The following PSMA8 variants were observed in gnomAD, a reference collection of about 807,000 sequenced individuals.
PSMA8 encodes the protein proteasome 20S subunit alpha 8.
A neutral mutation model predicts 32.4 loss-of-function variants in PSMA8; 18 were observed. That is an observed-to-expected ratio of 0.56 (90% CI 0.38 to 0.82). The LOEUF is 0.82. Ranked by LOEUF, PSMA8 falls within the 40% of genes least tolerant of loss-of-function variation. PSMA8 has a pLI of 0.00. For synonymous variants in PSMA8, 104 were observed against 98.1 expected, an observed-to-expected ratio of 1.06 and a Z score of -0.36; for missense variants, 298 against 300.7, an observed-to-expected ratio of 0.99 and a Z score of 0.07.
intron 4 of PSMA8, among the ~76,000 whole-genome samples, chr18:26,159,808 C>T (rs12959271): frequency 1.3e-5 from 2 of 151,778 alleles, no homozygotes; most frequent in South Asian, 2.1e-4. Flanking sequence ...ATAAGCACGG[C>T]GCACTCGCTT....
At chr18:26,143,198 A>T (rs2054973370) in intron 1 of PSMA8, among the ~76,000 whole-genome samples, 1 of 152,008 alleles carries the variant, frequency 6.6e-6, no homozygotes, top group Non-Finnish European at 1.5e-5. Flanking sequence ...ACCGAAGGCC[A>T]CTCTATATGG....
At chr18:26,144,479 C>T (rs994221566) in intron 1 of PSMA8, 80 bp from the exon 2 acceptor site, 2 of 1,208,858 alleles carry the variant, frequency 1.7e-6, no homozygotes, top group Admixed American at 1.9e-5. Context: ...AGTCATTTCC[C>T]CTAAGTCATA....
chr18:26,135,364 T>C (rs1009960642), intron 1 of PSMA8, among the ~76,000 whole-genome samples: 1 of 152,180 alleles, frequency 6.6e-6, no homozygotes, highest in African/African-American at 2.4e-5. Context: ...ACACAGTACG[T>C]TTCTAAGTCT....
At chr18:26,166,400 T>C (rs1222567428) in intron 4 of PSMA8, among the ~76,000 whole-genome samples, 1 of 152,262 alleles carries the variant, frequency 6.6e-6, no homozygotes, top group Non-Finnish European at 1.5e-5. Context: ...GGTATCTTGG[T>C]ACACAACTGT....
At chr18:26,177,727 G>T (rs1035945326) in intron 4 of PSMA8, among the ~76,000 whole-genome samples, 5 of 152,158 alleles carry the variant, frequency 3.3e-5, no homozygotes, top group Admixed American at 3.3e-4. Flanking sequence ...AGTCAAAGAT[G>T]ATAACAAATC....
intron 1 of PSMA8, among the ~76,000 whole-genome samples, chr18:26,143,360 G>A (rs559902507): frequency 5.9e-4 from 90 of 152,248 alleles, no homozygotes; most frequent in Admixed American, 6.5e-4. Flanking sequence ...GCCTATGATG[G>A]AATGGCATCC....
At chr18:26,171,661 A>C (rs1025875819) in intron 4 of PSMA8, among the ~76,000 whole-genome samples, 1 of 152,090 alleles carries the variant, frequency 6.6e-6, no homozygotes, top group Admixed American at 6.6e-5. Context: ...TTGAACCTGG[A>C]AAGTGGTGGT....
intron 2 of PSMA8, among the ~76,000 whole-genome samples, chr18:26,148,163 G>A (rs914131697): frequency 3.3e-5 from 5 of 152,078 alleles, no homozygotes; most frequent in Non-Finnish European, 7.4e-5. Flanking sequence ...ACACTTCCAA[G>A]TTTAATCTAT....
At position 26,151,944 on chromosome 18, in the gene PSMA8, G is replaced by A. The variant is rs1403210234; in HGVS notation, c.316G>A (p.Val106Ile). 10 of 1,610,564 alleles carry A rather than the reference G, an allele frequency of 6.2e-6. No individual in the cohort carries two copies. The highest frequency in any genetic ancestry group is 2.2e-5 in the East Asian group (1 of 44,734). The change falls in exon 3 of 7, where the codon GTA (valine) becomes ATA (isoleucine). Residue 106 changes from valine (V) to isoleucine (I), a missense_variant. By Grantham distance (29) the Val-to-Ile change is conservative. Coordinates refer to ENST00000415576, the MANE Select transcript of PSMA8 (RefSeq NM_001025096.2). Reference protein sequence around the residue: ...HKLTVEDPVTVEYITRFIATL... With the variant: ...HKLTVEDPVTIEYITRFIATL... ...GCTTACGGTTGAGGACCCAGTCACT[G>A]TAGAATACATAACTCGCTTCATAGC...
chr18:26,182,002 A>AT (rs1707357091), intron 6 of PSMA8, among the ~76,000 whole-genome samples: 1 of 152,092 alleles, frequency 6.6e-6, no homozygotes, highest in African/African-American at 2.4e-5. Flanking sequence ...CAGCCACAAC[A>AT]TTCCTCTAAG....
chr18:26,143,093 T>C (rs1221644602), intron 1 of PSMA8, among the ~76,000 whole-genome samples: 5 of 152,236 alleles, frequency 3.3e-5, no homozygotes, highest in African/African-American at 1.2e-4. Flanking sequence ...TCTTTCATTT[T>C]GCTTAATTTT....
intron 4 of PSMA8, among the ~76,000 whole-genome samples, chr18:26,167,622 A>G (rs192415766): frequency 1.3e-5 from 2 of 152,328 alleles, no homozygotes; most frequent in East Asian, 1.9e-4. Flanking sequence ...ATGTCCTTAT[A>G]AAAAGAGACA....
At chr18:26,146,247 AG>A in intron 2 of PSMA8, among the ~76,000 whole-genome samples, 1 of 151,290 alleles carries the variant, frequency 6.6e-6, no homozygotes, top group Non-Finnish European at 1.5e-5. Flanking sequence ...ATCTCATTCA[AG>A]CCACACATGA....
intron 1 of PSMA8, among the ~76,000 whole-genome samples, chr18:26,136,605 A>G (rs780695470): frequency 1.3e-5 from 2 of 152,184 alleles, no homozygotes; most frequent in Admixed American, 6.5e-5. Flanking sequence ...GCCTTCTCTG[A>G]TCCACTCCAG....
At chr18:26,134,989 T>TA (rs2054900427) in intron 1 of PSMA8, among the ~76,000 whole-genome samples, 1 of 151,734 alleles carries the variant, frequency 6.6e-6, no homozygotes, top group Non-Finnish European at 1.5e-5. Context: ...ATTGTCCCAA[T>TA]ATTTCCCAGC....
intron 6 of PSMA8, among the ~76,000 whole-genome samples, chr18:26,190,300 T>G (rs8096655): frequency 0.27 from 41,480 of 152,066 alleles, 9,297 homozygotes; most frequent in African/African-American, 0.61. Context: ...TAATTGGATT[T>G]TTTGTAACAC....
rs375897643 is a variant in PSMA8, at chr18:26,142,901, A to T, written c.103-1658A>T. ...ACCTTAGGGGTTAGGATTTCAACATACGAATTTGGGGGGAATATAAATATT... is the reference window on the plus strand; with the variant it reads ...ACCTTAGGGGTTAGGATTTCAACATTCGAATTTGGGGGGAATATAAATATT... On this transcript the variant is annotated intron_variant, in intron 1 of 6. Coordinates refer to ENST00000415576, the MANE Select transcript of PSMA8 (RefSeq NM_001025096.2). Among the ~76,000 whole-genome samples, 6 of 152,258 alleles carry T rather than the reference A, an allele frequency of 3.9e-5. No homozygotes were observed. The East Asian group carries it at 1.2e-3, about 29-fold the overall frequency.
intron 2 of PSMA8, among the ~76,000 whole-genome samples, chr18:26,151,465 T>G (rs1051328665): frequency 6.6e-6 from 1 of 152,250 alleles, no homozygotes; most frequent in African/African-American, 2.4e-5. Context: ...TATTTTAGCA[T>G]TCTTCATTTT....
At chr18:26,144,756 T>G in intron 2 of PSMA8, 71 bp downstream of exon 2, 1 of 1,402,372 alleles carries the variant, frequency 7.1e-7, no homozygotes, top group Non-Finnish European at 9.9e-7. Context: ...ACCTCAGTGC[T>G]GCAGTTGTGC....
Sources: gnomAD v4.1 joint callset for allele counts (sites outside exome capture counted in the v4.1 genomes callset) on GRCh38, gnomAD v4.1.1 for gene constraint, MANE v1.5 for transcripts, NCBI Gene and HGNC (gene_info 2026-07-23, HGNC 2026-07-21) for gene names.